The following MS4A18 variants were observed in gnomAD, a reference collection of about 807,000 sequenced individuals.
MS4A18 encodes membrane-spanning 4-domains subfamily A member 18.
Under a neutral mutation model 13.1 loss-of-function variants are expected in MS4A18, and 27 were observed. The observed-to-expected ratio is 2.06, with a 90% CI of 1.52 to 2.84. The LOEUF (loss-of-function observed/expected upper bound fraction) is 2.84, where lower values mean the gene tolerates loss of function less well. Ranked by LOEUF, MS4A18 falls within the 30% of genes most tolerant of loss-of-function variation. The probability of loss-of-function intolerance (pLI) is 0.00; values close to 1 mark genes in which losing one functional copy is unlikely to be tolerated. For missense variants in MS4A18, 307 were observed against 196.4 expected, an observed-to-expected ratio of 1.56 and a Z score of -3.37; for synonymous variants, 126 against 76.5, an observed-to-expected ratio of 1.65 and a Z score of -3.38.
Position 60,738,815 on chromosome 11 carries a change from C to T in MS4A18, c.649-87C>T, listed in dbSNP as rs1048618482. 31 of 662,288 alleles carry T rather than the reference C, an allele frequency of 4.7e-5. No individual in the cohort carries two copies. In the African/African-American group the frequency reaches 5.2e-4, roughly 11 times the overall value. 41.0% of individuals were successfully genotyped at this position (662,288 alleles called of 1,614,324 possible). A position where few individuals can be genotyped will look rare whatever the true frequency, so the allele number is the denominator to read the frequency against. The stretch of plus-strand genomic sequence containing the variant: ...AACTCTTTTCTGCCCTGCCTTCTCT[C>T]TTCTCCGACTTCCCAAGAGTCCCCA... On this transcript the variant is annotated intron_variant, in intron 3 of 5. Transcript: ENST00000529108.
rs1198232748 is a variant in MS4A18, at chr11:60,737,875, C to T, written c.648+841C>T. 3.3e-5 allele frequency among the ~76,000 whole-genome samples: 5 copies of T among 152,198 alleles called. No homozygotes were observed. The East Asian group carries it at 9.6e-4, about 29-fold the overall frequency. ...GTCTGCAAGGCAAACTCCTGTGGCC[C>T]CACAATCTGCCTTGCTTCACCCCCT... is the stretch of plus-strand genomic sequence containing the variant. On this transcript the variant is annotated intron_variant, in intron 3 of 5. Coordinates refer to ENST00000529108, the Ensembl canonical transcript of MS4A18.
At chr11:60,739,438 A>C (rs1277294025) in intron 4 of MS4A18, among the ~76,000 whole-genome samples, 3 of 152,132 alleles carry the variant, frequency 2.0e-5, no homozygotes, top group African/African-American at 7.2e-5. Flanking sequence ...ATTCAGGTGC[A>C]AGTCGTGTAT....
chr11:60,725,352 C>T (rs954148320), upstream of MS4A18, among the ~76,000 whole-genome samples: 1 of 152,186 alleles, frequency 6.6e-6, no homozygotes, highest in African/African-American at 2.4e-5. Context: ...CGCCACCACG[C>T]CCGGCTAATT....
At chr11:60,741,043 C>T (rs554915298) in exon 5 of MS4A18, 10 of 702,998 alleles carry the variant, frequency 1.4e-5, no homozygotes, top group East Asian at 5.4e-5. Context: ...TATTCAAAGG[C>T]GGTTTCTGGC....
At chr11:60,727,117 T>G (rs1853173271), upstream of MS4A18, among the ~76,000 whole-genome samples, 1 of 152,210 alleles carries the variant, frequency 6.6e-6, no homozygotes, top group Non-Finnish European at 1.5e-5. Flanking sequence ...CTGCATAGTA[T>G]TCCATGGTGT....
At chr11:60,728,190 A>G (rs1013694418), upstream of MS4A18, among the ~76,000 whole-genome samples, 1 of 152,240 alleles carries the variant, frequency 6.6e-6, no homozygotes, top group Non-Finnish European at 1.5e-5. Flanking sequence ...AGGGCACCCA[A>G]GAAGCCTGGG....
intron 2 of MS4A18, 27 bp from the exon 4 acceptor site, chr11:60,736,951 C>CTTTTTTT: frequency 1.6e-6 from 1 of 633,442 alleles, no homozygotes; most frequent in East Asian, 2.9e-5. Context: ...ATTGGTCATT[C>CTTTTTTT]TTTTTTTTTT....
At chr11:60,733,457 G>A in intron 1 of MS4A18, 77 bp from the exon 3 acceptor site, 3 of 699,322 alleles carry the variant, frequency 4.3e-6, no homozygotes, top group Non-Finnish European at 7.8e-6. Flanking sequence ...CTGGGGCACA[G>A]CCAGGGTGCA....
chr11:60,742,402 A>C (rs1354474420), intron 5 of MS4A18, among the ~76,000 whole-genome samples: 1 of 152,152 alleles, frequency 6.6e-6, no homozygotes, highest in Non-Finnish European at 1.5e-5. Context: ...TTCCCTTAAA[A>C]ACTCCAAGGG....
exon 6 of MS4A18, chr11:60,743,843 T>C (rs1310128107): frequency 2.8e-6 from 2 of 702,648 alleles, no homozygotes; most frequent in African/African-American, 3.5e-5. Context: ...CCTGTCAATG[T>C]TACCACTGGT....
rs532637215 is a variant in MS4A18 at position 60,733,029 on chromosome 11, G to A, written c.478-505G>A. Among the ~76,000 whole-genome samples, 267 of 152,278 alleles carry A rather than the reference G, an allele frequency of 1.8e-3. 1 individual carries two copies. The highest frequency in any genetic ancestry group is 3.1e-3 in the Non-Finnish European group (214 of 68,014). The stretch of plus-strand genomic sequence containing the variant: ...AAATCAGATTCATCACATGAATTTC[G>A]GCCGACAACTATCTGAGAACGATGT... On this transcript the variant is annotated intron_variant, in intron 1 of 5. Transcript: ENST00000529108.
intron 1 of MS4A18, 98 bp from the exon 3 acceptor site, chr11:60,733,436 C>CT (rs1293931943): frequency 1.4e-6 from 1 of 691,154 alleles, no homozygotes; most frequent in Non-Finnish European, 2.6e-6. Flanking sequence ...CCAATCACCC[C>CT]TGGGGTGATT....
rs1045956643 is a variant in MS4A18, at chr11:60,729,437, C to T, written c.122C>T (p.Thr41Ile). 5 of 702,694 alleles carry T rather than the reference C, an allele frequency of 7.1e-6. No individual in the cohort carries two copies. In the Admixed American group the frequency reaches 1.0e-4, roughly 14 times the overall value. The allele number at this position is 702,694 out of a possible 1,614,324, so 43.5% of individuals were successfully genotyped here. A position where few individuals can be genotyped will look rare whatever the true frequency, so the allele number is the denominator to read the frequency against. The change falls in exon 1 of 6, where the codon ACC (threonine) becomes ATC (isoleucine). Residue 41 changes from threonine (T) to isoleucine (I), a missense_variant. Coordinates refer to ENST00000529108, the Ensembl canonical transcript of MS4A18. ...AATCATCTGCAGCCTTCAGAGGTGACCACTTACCCAATCTCACCAAAAGTA... is the reference window on the plus strand; with the variant it reads ...AATCATCTGCAGCCTTCAGAGGTGATCACTTACCCAATCTCACCAAAAGTA...
At chr11:60,735,558 C>T (rs1166230913) in intron 2 of MS4A18, among the ~76,000 whole-genome samples, 3 of 142,620 alleles carry the variant, frequency 2.1e-5, no homozygotes, top group South Asian at 2.2e-4. Context: ...ACCGTGGTCT[C>T]GATCTCCTGA....
At chr11:60,741,423 G>T (rs1344691949) in intron 5 of MS4A18, among the ~76,000 whole-genome samples, 1 of 152,070 alleles carries the variant, frequency 6.6e-6, no homozygotes, top group Non-Finnish European at 1.5e-5. Context: ...GGTCTCCAGG[G>T]ACCTTCATGA....
At chr11:60,726,230 A>G (rs2134670756), upstream of MS4A18, among the ~76,000 whole-genome samples, 1 of 152,350 alleles carries the variant, frequency 6.6e-6, no homozygotes, top group Non-Finnish European at 1.5e-5. Context: ...GTGAGAAGAC[A>G]GGGGTGAATG....
chr11:60,743,727 TCCTGTCAATGCTGCCACTGGC>T, exon 6 of MS4A18: 1 of 702,834 alleles, frequency 1.4e-6, no homozygotes, highest in Non-Finnish European at 2.6e-6. Flanking sequence ...CTACCACTGG[TCCTGTCAATGCTGCCACTGGC>T]CCTGTCAGTG....
chr11:60,744,614 T>C (rs1853460342), downstream of MS4A18, among the ~76,000 whole-genome samples: 1 of 152,182 alleles, frequency 6.6e-6, no homozygotes, highest in African/African-American at 2.4e-5. Context: ...GCAAATCATA[T>C]ATCTGACAAA....
At chr11:60,743,617 G>A (rs2134683458) in intron 5 of MS4A18, 33 bp from the exon 7 acceptor site, 1 of 695,328 alleles carries the variant, frequency 1.4e-6, no homozygotes, top group East Asian at 2.7e-5. Context: ...TACTACAGAG[G>A]AAGATGACGA....
Sources: gnomAD v4.1 joint callset for allele counts (sites outside exome capture counted in the v4.1 genomes callset) on GRCh38, gnomAD v4.1.1 for gene constraint, MANE v1.5 for transcripts, NCBI Gene and HGNC (gene_info 2026-07-23, HGNC 2026-07-21) for gene names.